Variants in AGBL4 observed in about 807,000 individuals in gnomAD.
AGBL4 encodes the protein AGBL carboxypeptidase 4.
A neutral mutation model predicts 66.4 loss-of-function variants in AGBL4; 58 were observed. That is an observed-to-expected ratio of 0.87 (90% CI 0.71 to 1.09). The LOEUF (loss-of-function observed/expected upper bound fraction) is 1.09, where lower values mean the gene tolerates loss of function less well. Ranked by LOEUF, AGBL4 falls within the 50% of genes least tolerant of loss-of-function variation. AGBL4 has a pLI of 0.00. For missense variants in AGBL4, 579 were observed against 631.0 expected, an observed-to-expected ratio of 0.92 and a Z score of 0.88; for synonymous variants, 234 against 222.9, an observed-to-expected ratio of 1.05 and a Z score of -0.44.
At chr1:49,045,912 G>A in intron 4 of AGBL4, 112 bp from the exon 5 acceptor site, 3 of 873,428 alleles carry the variant, frequency 3.4e-6, no homozygotes, top group African/African-American at 1.7e-5. Context: ...AGAACCATGG[G>A]TGATGGGGCT....
chr1:49,164,601 C>A (rs749399016), intron 4 of AGBL4, among the ~76,000 whole-genome samples: 4 of 152,106 alleles, frequency 2.6e-5, no homozygotes, highest in African/African-American at 9.7e-5. Flanking sequence ...CTTCTTAAGA[C>A]GGCTTTACTC....
chr1:49,740,545 C>A (rs897216274), intron 2 of AGBL4, among the ~76,000 whole-genome samples: 1 of 152,154 alleles, frequency 6.6e-6, no homozygotes, highest in African/African-American at 2.4e-5. Context: ...CTGCACCAAG[C>A]AGACCTAATA....
intron 11 of AGBL4, among the ~76,000 whole-genome samples, chr1:48,548,187 A>G (rs1383465424): frequency 6.6e-6 from 1 of 152,108 alleles, no homozygotes; most frequent in Non-Finnish European, 1.5e-5. Context: ...CTGGAACGTG[A>G]TAAGTGCTAT....
intron 4 of AGBL4, among the ~76,000 whole-genome samples, chr1:49,182,070 A>G (rs1363601439): frequency 6.6e-6 from 1 of 152,206 alleles, no homozygotes; most frequent in East Asian, 1.9e-4. Flanking sequence ...AGGGGTGAGA[A>G]TAGAAGAATT....
intron 1 of AGBL4, among the ~76,000 whole-genome samples, chr1:49,966,005 G>A (rs111450216): frequency 2.0e-5 from 3 of 149,596 alleles, no homozygotes; most frequent in Non-Finnish European, 4.4e-5. Flanking sequence ...GCAGTGGCGC[G>A]ATCTTGGCTC....
intron 4 of AGBL4, among the ~76,000 whole-genome samples, chr1:49,070,472 T>A (rs1644579319): frequency 6.6e-6 from 1 of 152,028 alleles, no homozygotes. Context: ...AGGCCTTTTC[T>A]GCATCTATTG....
chr1:49,512,259 C>A (rs1029399624), intron 3 of AGBL4, among the ~76,000 whole-genome samples: 1 of 151,976 alleles, frequency 6.6e-6, no homozygotes, highest in African/African-American at 2.4e-5. Context: ...TAAAGTGGAA[C>A]TAGGATTAAA....
chr1:48,736,186 T>C lies in AGBL4; in HGVS notation c.635-72945A>G, dbSNP rs1436636801. ...AATTGAATTGTGCCTAACACATTCTTGACAGAGTAAAAGACAGAATCCCAG... is the reference window on the plus strand; with the variant it reads ...AATTGAATTGTGCCTAACACATTCTCGACAGAGTAAAAGACAGAATCCCAG... On this transcript the variant is annotated intron_variant, in intron 6 of 13. Coordinates refer to ENST00000371839, the MANE Select transcript of AGBL4 (RefSeq NM_032785.4). This position sits in a 1 kb window ranked among gnomAD's most constrained non-coding sequence, Gnocchi z 4.0. 3 of 1,552,272 alleles carry C rather than the reference T, an allele frequency of 1.9e-6. No homozygotes were observed. The highest frequency in any genetic ancestry group is 2.7e-6 in the Non-Finnish European group (3 of 1,124,392).
chr1:49,303,678 G>T (rs189895975), intron 3 of AGBL4, among the ~76,000 whole-genome samples: 1 of 151,324 alleles, frequency 6.6e-6, no homozygotes, highest in Non-Finnish European at 1.5e-5. Context: ...GTTTCACCAC[G>T]TTGGCAAAGC....
At chr1:49,533,170 C>T (rs1220403082) in intron 3 of AGBL4, among the ~76,000 whole-genome samples, 1 of 152,102 alleles carries the variant, frequency 6.6e-6, no homozygotes, top group African/African-American at 2.4e-5. Flanking sequence ...CAACCACACC[C>T]ACAATACCAC....
intron 4 of AGBL4, among the ~76,000 whole-genome samples, chr1:49,209,172 T>A (rs1648477589): frequency 6.6e-6 from 1 of 152,184 alleles, no homozygotes; most frequent in Non-Finnish European, 1.5e-5. Flanking sequence ...ATTACTGATC[T>A]CTAACTTGGT....
At chr1:49,428,244 G>T (rs1308335175) in intron 3 of AGBL4, among the ~76,000 whole-genome samples, 1 of 152,120 alleles carries the variant, frequency 6.6e-6, no homozygotes, top group Non-Finnish European at 1.5e-5. Context: ...CACACTATAA[G>T]TGTTCAGTTA....
At chr1:48,962,500 G>A (rs1296471118) in intron 5 of AGBL4, among the ~76,000 whole-genome samples, 1 of 152,172 alleles carries the variant, frequency 6.6e-6, no homozygotes, top group Non-Finnish European at 1.5e-5. Flanking sequence ...CCTATTGTTG[G>A]TCATTGTGTT....
At chr1:49,073,983 G>A (rs192493891) in intron 4 of AGBL4, among the ~76,000 whole-genome samples, 2 of 152,188 alleles carry the variant, frequency 1.3e-5, no homozygotes, top group Admixed American at 6.5e-5. Context: ...ACCTTGCTGA[G>A]CTGTGGTGGG....
chr1:49,777,116 G>C (rs970348314), intron 2 of AGBL4, among the ~76,000 whole-genome samples: 5 of 152,128 alleles, frequency 3.3e-5, no homozygotes, highest in African/African-American at 1.2e-4. Context: ...AGAGATTGTA[G>C]GGTGAAAGCT....
rs144370717 is a variant in AGBL4, at chr1:48,922,921, CTA to C, written c.595-55693_595-55692del. On this transcript the variant is annotated intron_variant, in intron 5 of 13. Coordinates refer to ENST00000371839, the MANE Select transcript of AGBL4 (RefSeq NM_032785.4). ...ATATAACTATAAAATATGTTCTCAA[CTA>C]TATATATATATACATACATATGCAA... 4.7e-3 allele frequency among the ~76,000 whole-genome samples: 701 copies of C among 148,578 alleles called. 3 individuals carry two copies. Among genetic ancestry groups the C allele is most frequent in the Middle Eastern group, 0.011 (3 of 282 alleles).
chr1:49,448,536 A>G (rs1646209053), intron 3 of AGBL4, among the ~76,000 whole-genome samples: 1 of 152,204 alleles, frequency 6.6e-6, no homozygotes, highest in African/African-American at 2.4e-5. Flanking sequence ...CAGGAGAAGT[A>G]GGGACCATAA....
intron 5 of AGBL4, among the ~76,000 whole-genome samples, chr1:48,950,558 C>T (rs1656889288): frequency 6.6e-6 from 1 of 152,158 alleles, no homozygotes; most frequent in South Asian, 2.1e-4. Flanking sequence ...CTACAGAGTG[C>T]CAATGGCTCA....
intron 1 of AGBL4, among the ~76,000 whole-genome samples, chr1:49,937,711 G>C (rs1043032045): frequency 1.3e-5 from 2 of 152,164 alleles, no homozygotes; most frequent in Non-Finnish European, 1.5e-5. Context: ...CAACTACGTA[G>C]AAACTGAACA....
Sources: gnomAD v4.1 joint callset for allele counts (sites outside exome capture counted in the v4.1 genomes callset) on GRCh38, gnomAD v4.1.1 for gene constraint, Gnocchi (gnomAD v3.1) non-coding constraint, MANE v1.5 for transcripts, NCBI Gene and HGNC (gene_info 2026-07-23, HGNC 2026-07-21) for gene names.